The following CLUL1 variants were observed in gnomAD, a reference collection of about 807,000 sequenced individuals.
CLUL1 encodes clusterin like 1.
A neutral mutation model predicts 49.4 loss-of-function variants in CLUL1; 43 were observed. That is an observed-to-expected ratio of 0.87 (90% CI 0.68 to 1.12). The LOEUF (loss-of-function observed/expected upper bound fraction) is 1.12, where lower values mean the gene tolerates loss of function less well. Ranked by LOEUF, CLUL1 falls within the 50% of genes most tolerant of loss-of-function variation. The pLI is 0.00. For synonymous variants in CLUL1, 192 were observed against 184.9 expected (o/e 1.04, Z -0.31); for missense variants, 486 against 544.4 (o/e 0.89, Z 1.07).
chr18:639,907 A>G (rs2074292279), intron 7 of CLUL1, among the ~76,000 whole-genome samples: 1 of 152,190 alleles, frequency 6.6e-6, no homozygotes. Context: ...GAGAGACTGG[A>G]GTGCTTACAG....
At chr18:630,899 G>T (rs1357661926) in intron 6 of CLUL1, among the ~76,000 whole-genome samples, 1 of 150,600 alleles carries the variant, frequency 6.6e-6, no homozygotes, top group Non-Finnish European at 1.5e-5. Context: ...CTTGATTTTA[G>T]CCTAGGGAGA....
intron 4 of CLUL1, among the ~76,000 whole-genome samples, chr18:622,970 A>G (rs1462880279): frequency 6.6e-6 from 1 of 152,090 alleles, no homozygotes; most frequent in African/African-American, 2.4e-5. Flanking sequence ...AATGAGCAGA[A>G]TATGTAAAAT....
intron 6 of CLUL1, among the ~76,000 whole-genome samples, chr18:630,296 G>T (rs2073955139): frequency 1.3e-5 from 2 of 151,868 alleles, no homozygotes; most frequent in African/African-American, 4.8e-5. Context: ...TTGAGTAGAG[G>T]CAGGGTTTCG....
intron 1 of CLUL1, chr18:598,307 C>G (rs865981134): frequency 5.4e-6 from 2 of 369,902 alleles, no homozygotes; most frequent in African/African-American, 4.2e-5. Flanking sequence ...TTAAACTTTG[C>G]GTGACCTTGA....
rs149753864 is a variant in CLUL1, at chr18:618,645, C to T, written c.106+539C>T. On this transcript the variant is annotated intron_variant, in intron 3 of 9. Transcript: ENST00000692774. The surrounding 1 kb of genome is among the most constrained non-coding windows in gnomAD (Gnocchi z 4.2). ...TGTAATAATCAGAGTCAAGAATGAG[C>T]TCCTCAGTAGGCCACGTTGGCTATT... is the stretch of plus-strand genomic sequence containing the variant. Among the ~76,000 whole-genome samples the T allele has an allele frequency of 7.9e-3, 1,200 of 152,214 alleles. 8 individuals carry two copies. The highest frequency in any genetic ancestry group is 0.01 in the Middle Eastern group (3 of 292).
chr18:621,089 T>C (rs1377804200), intron 4 of CLUL1, among the ~76,000 whole-genome samples: 1 of 152,214 alleles, frequency 6.6e-6, no homozygotes, highest in African/African-American at 2.4e-5. Context: ...AATACATTCA[T>C]ACTGTTGTGC....
intron 1 of CLUL1, among the ~76,000 whole-genome samples, chr18:603,069 C>A (rs1049378339): frequency 1.3e-5 from 2 of 152,098 alleles, no homozygotes; most frequent in Admixed American, 6.5e-5. Context: ...ATTCTGTGAA[C>A]AATCAGAATC....
chr18:623,049 T>TTTG (rs397953775), intron 4 of CLUL1, among the ~76,000 whole-genome samples: 1 of 150,946 alleles, frequency 6.6e-6, no homozygotes, highest in Non-Finnish European at 1.5e-5. Flanking sequence ...TTTTTTTTTT[T>TTTG]GAGACAGAGT....
intron 8 of CLUL1, among the ~76,000 whole-genome samples, chr18:643,560 AT>A (rs2074398377): frequency 6.6e-6 from 1 of 152,138 alleles, no homozygotes; most frequent in Non-Finnish European, 1.5e-5. Context: ...CATTGTCAGT[AT>A]TTTCTATTCT....
intron 2 of CLUL1, among the ~76,000 whole-genome samples, chr18:608,792 C>T (rs1015456956): frequency 2.0e-5 from 3 of 152,240 alleles, no homozygotes; most frequent in African/African-American, 7.2e-5. Flanking sequence ...GCCTGGGTCT[C>T]TCACTGCCTT....
intron 4 of CLUL1, among the ~76,000 whole-genome samples, chr18:619,751 G>A (rs1014933892): frequency 2.0e-5 from 3 of 151,640 alleles, no homozygotes; most frequent in South Asian, 2.1e-4. Flanking sequence ...ACAGAGTCTC[G>A]CTCTGTCACC....
chr18:648,364 A>G (rs1239157020), intron 9 of CLUL1, among the ~76,000 whole-genome samples: 1 of 152,172 alleles, frequency 6.6e-6, no homozygotes, highest in Non-Finnish European at 1.5e-5. Flanking sequence ...TTTCACAGGC[A>G]ATGTTAATGT....
At position 619,212 on chromosome 18, in the gene CLUL1, G is replaced by A. The variant is rs1358128043; in HGVS notation, c.107-1G>A. On this transcript the variant is annotated splice_acceptor_variant, in intron 3 of 9. Transcript: ENST00000692774. LOFTEE classifies it high-confidence loss of function. ...AGAAAAAATTGCCACATGTCTTTTA[G>A]GTTTTTCTGAGGTGGGGGAGATAGA... 6.2e-7 allele frequency: 1 copy of A among 1,610,506 alleles called. No homozygotes were observed. Among genetic ancestry groups the A allele is most frequent in the East Asian group, 2.2e-5 (1 of 44,844 alleles).
intron 7 of CLUL1, among the ~76,000 whole-genome samples, chr18:635,492 T>G (rs1039046095): frequency 1.3e-5 from 2 of 152,106 alleles, no homozygotes; most frequent in African/African-American, 4.8e-5. Context: ...ACCCCTGCTA[T>G]AAAGGAAGTT....
Position 614,336 on chromosome 18 carries a change from GAAGGAAGGAAGGA to G in CLUL1, c.-13-3648_-13-3636del, listed in dbSNP as rs1311272157. Among the ~76,000 whole-genome samples the G allele has an allele frequency of 2.0e-5, 3 of 150,364 alleles. 1 individual carries two copies. Among genetic ancestry groups the G allele is most frequent in the African/African-American group, 7.4e-5 (3 of 40,768 alleles). On this transcript the variant is annotated intron_variant, in intron 2 of 9. Coordinates refer to ENST00000692774, the MANE Select transcript of CLUL1 (RefSeq NM_001393344.1). ...AAGGGAGGGAGGGAAGGAAGGGAGG[GAAGGAAGGAAGGA>G]AAGAAGGAAGGAAGGAAGGAAAAAG...
chr18:609,679 C>G (rs968379648), intron 2 of CLUL1, among the ~76,000 whole-genome samples: 1 of 151,980 alleles, frequency 6.6e-6, no homozygotes. Context: ...AAAAAGTTAG[C>G]CTGGCATGTT....
At chr18:633,257 ACT>A in intron 6 of CLUL1, 39 bp from the exon 7 acceptor site, 2 of 1,535,942 alleles carry the variant, frequency 1.3e-6, no homozygotes, top group Non-Finnish European at 1.8e-6. Context: ...CAAAGTGCAA[ACT>A]CTTATGACAC....
At chr18:624,576 G>A (rs2073617968) in intron 4 of CLUL1, among the ~76,000 whole-genome samples, 1 of 152,134 alleles carries the variant, frequency 6.6e-6, no homozygotes, top group African/African-American at 2.4e-5. Context: ...TCATTGTCAG[G>A]TCACCCACAC....
chr18:611,338 A>G (rs2073129012), intron 2 of CLUL1, among the ~76,000 whole-genome samples: 1 of 151,870 alleles, frequency 6.6e-6, no homozygotes, highest in South Asian at 2.1e-4. Flanking sequence ...GGGATGGATA[A>G]AATAAAGAAG....
Sources: allele counts gnomAD v4.1 joint callset (sites outside exome capture counted in the v4.1 genomes callset), GRCh38; gene constraint gnomAD v4.1.1; non-coding constraint Gnocchi (gnomAD v3.1); transcripts MANE v1.5; gene names NCBI Gene and HGNC (gene_info 2026-07-23, HGNC 2026-07-21).